The following RNF41 variants were observed in gnomAD, a reference collection of about 807,000 sequenced individuals.
The protein encoded by RNF41 is E3 ubiquitin-protein ligase NRDP1.
A neutral mutation model predicts 33.0 loss-of-function variants in RNF41; 4 were observed. The ratio of observed to expected loss-of-function variants is 0.12; its 90% CI spans 0.06 to 0.28. RNF41 has a LOEUF of 0.28. Ranked by LOEUF, RNF41 falls within the 10% of genes least tolerant of loss-of-function variation. The pLI, the probability that RNF41 is intolerant of heterozygous loss-of-function variation, is 1.00. For synonymous variants in RNF41, 164 were observed against 153.2 expected, an observed-to-expected ratio of 1.07 and a Z score of -0.52; for missense variants, 228 against 432.6, an observed-to-expected ratio of 0.53 and a Z score of 4.19.
intron 6 of RNF41, chr12:56,207,201 C>G (rs1868286095): frequency 7.5e-7 from 1 of 1,329,026 alleles, no homozygotes; most frequent in Non-Finnish European, 9.8e-7. Context: ...GACTCCAGAA[C>G]TGAAAGAGAT....
At position 56,202,972 on chromosome 12, in the gene RNF41, G is replaced by A. The variant is rs1363492790; in HGVS notation, c.*3475C>T. 6.6e-6 allele frequency: 1 copy of A among 151,740 alleles called. No individual in the cohort carries two copies. Among genetic ancestry groups the A allele is most frequent in the Non-Finnish European group, 1.5e-5 (1 of 68,000 alleles). 9.4% of individuals were successfully genotyped at this position (151,740 alleles called of 1,614,324 possible). A position where few individuals can be genotyped will look rare whatever the true frequency, so the allele number is the denominator to read the frequency against. Reference sequence around the variant, plus strand: ...CTAATGTCACTAGGATACATACATTGCCTCTTATGCTCTATACTGTGACAT... The same window carrying A: ...CTAATGTCACTAGGATACATACATTACCTCTTATGCTCTATACTGTGACAT... On this transcript the variant is annotated 3_prime_UTR_variant, in exon 7 of 7. Transcript: ENST00000345093.
At position 56,204,742 on chromosome 12, in the gene RNF41, T is replaced by G. The variant is rs1196329087; in HGVS notation, c.*1705A>C. On this transcript the variant is annotated 3_prime_UTR_variant, in exon 7 of 7. Coordinates refer to ENST00000345093, the MANE Select transcript of RNF41 (RefSeq NM_005785.4). ...AAGTATAGCAGCGTTTTCAAATTCCTGAGCACAATGTCCCAGAGCTGGAAC... is the reference window on the plus strand; with the variant it reads ...AAGTATAGCAGCGTTTTCAAATTCCGGAGCACAATGTCCCAGAGCTGGAAC... 6.5e-6 allele frequency: 1 copy of G among 152,676 alleles called. No homozygotes were observed. The highest frequency in any genetic ancestry group is 1.5e-5 in the Non-Finnish European group (1 of 68,116). 9.5% of individuals were successfully genotyped at this position (152,676 alleles called of 1,614,324 possible). A position where few individuals can be genotyped will look rare whatever the true frequency, so the allele number is the denominator to read the frequency against.
intron 1 of RNF41, among the ~76,000 whole-genome samples, chr12:56,217,563 T>C (rs969408888): frequency 1.3e-5 from 2 of 151,786 alleles, no homozygotes; most frequent in Non-Finnish European, 2.9e-5. Flanking sequence ...AAAAGCAAAA[T>C]GCATAGATCC....
Position 56,206,591 on chromosome 12 carries a change from G to A in RNF41, c.810C>T (p.Arg270=), listed in dbSNP as rs972430728. The A allele has an allele frequency of 3.1e-6, 5 of 1,614,176 alleles. No individual in the cohort carries two copies. The highest frequency in any genetic ancestry group is 4.2e-6 in the Non-Finnish European group (5 of 1,180,040). Residue 270 remains arginine, a synonymous_variant, in exon 7 of 7, where the codon CGC becomes CGT. Transcript: ENST00000345093. The surrounding 1 kb of genome is among the most constrained non-coding windows in gnomAD (Gnocchi z 5.7). ...GCTTGGCCACGTAGTTCTCATAGTA[G>A]CGTCGGTTCATCTGTCTAGTCTCTA... is the stretch of plus-strand genomic sequence containing the variant. ...ATLETRQMNR[R]YYENYVAKRI... is the part of the protein sequence containing the mutation.
At chr12:56,212,905 T>C in intron 3 of RNF41, 1 of 890,126 alleles carries the variant, frequency 1.1e-6, no homozygotes, top group Non-Finnish European at 1.6e-6. Context: ...AAGGATTAAT[T>C]GGTATTTACA....
chr12:56,212,977 C>G (rs1565943635), intron 3 of RNF41: 1 of 1,288,546 alleles, frequency 7.8e-7, no homozygotes, highest in East Asian at 5.5e-5. Flanking sequence ...TAAGGATTCA[C>G]CTCACTCATT....
chr12:56,215,568 A>C (rs1189653308), intron 2 of RNF41, among the ~76,000 whole-genome samples: 1 of 151,766 alleles, frequency 6.6e-6, no homozygotes, highest in East Asian at 1.9e-4. Context: ...AAAATACAAA[A>C]ATTAGCCAGG....
Position 56,206,342 on chromosome 12 carries a change from G to T in RNF41, c.*105C>A. On this transcript the variant is annotated 3_prime_UTR_variant, in exon 7 of 7. Coordinates refer to ENST00000345093, the MANE Select transcript of RNF41 (RefSeq NM_005785.4). This position sits in a 1 kb window ranked among gnomAD's most constrained non-coding sequence, Gnocchi z 5.7. The stretch of plus-strand genomic sequence containing the variant: ...AAGGGCAGGGAGATGTGTGGCTCAG[G>T]TATAAGCCACAGTATTAAGAATGGT... The T allele has an allele frequency of 1.0e-6, 1 of 989,326 alleles. No individual in the cohort carries two copies. The highest frequency in any genetic ancestry group is 1.5e-6 in the Non-Finnish European group (1 of 658,890). 61.3% of individuals were successfully genotyped at this position (989,326 alleles called of 1,614,324 possible).
intron 2 of RNF41, among the ~76,000 whole-genome samples, chr12:56,215,501 A>G (rs1247316943): frequency 1.3e-5 from 2 of 151,114 alleles, no homozygotes; most frequent in African/African-American, 4.9e-5. Context: ...CAGACGGATC[A>G]TGAGGTCAAG....
rs1050175454 is a variant in RNF41, at chr12:56,205,815, T to C, written c.*632A>G. The C allele has an allele frequency of 6.5e-6, 1 of 152,682 alleles. No individual in the cohort carries two copies. The highest frequency in any genetic ancestry group is 1.5e-5 in the Non-Finnish European group (1 of 68,240). 9.5% of individuals were successfully genotyped at this position (152,682 alleles called of 1,614,324 possible). The stretch of plus-strand genomic sequence containing the variant: ...GGCATTCCCTAATTATGAAAACTTG[T>C]AGGAAAGAAGAGCTCATCTGGAAAT... On this transcript the variant is annotated 3_prime_UTR_variant, in exon 7 of 7. Coordinates refer to ENST00000345093, the MANE Select transcript of RNF41 (RefSeq NM_005785.4).
Position 56,209,027 on chromosome 12 carries a change from G to T in RNF41, c.363-729C>A, listed in dbSNP as rs187698034. Among the ~76,000 whole-genome samples the T allele has an allele frequency of 3.3e-5, 5 of 150,794 alleles. No homozygotes were observed. The East Asian group carries it at 9.9e-4, about 30-fold the overall frequency. ...TTACAGGTGCCCACCACCACACCTG[G>T]CTAATTTTTATATTTTTAGTAGAGA... On this transcript the variant is annotated intron_variant, in intron 4 of 6. Transcript: ENST00000345093.
rs2135798590 is a variant in RNF41, at chr12:56,206,274, C to T, written c.*173G>A. On this transcript the variant is annotated 3_prime_UTR_variant, in exon 7 of 7. Coordinates refer to ENST00000345093, the MANE Select transcript of RNF41 (RefSeq NM_005785.4). This position sits in a 1 kb window ranked among gnomAD's most constrained non-coding sequence, Gnocchi z 5.7. ...AAAGGGAGGAAATCTGGGTTTCCCACCTGAAAGGCTGAGCAAACTACCCCA... is the reference window on the plus strand; with the variant it reads ...AAAGGGAGGAAATCTGGGTTTCCCATCTGAAAGGCTGAGCAAACTACCCCA... The T allele has an allele frequency of 1.6e-6, 1 of 631,174 alleles. No individual in the cohort carries two copies. The allele number at this position is 631,174 out of a possible 1,614,324, so 39.1% of individuals were successfully genotyped here.
chr12:56,213,202 TTTG>T lies in RNF41; in HGVS notation c.90+753_90+755del, dbSNP rs1868613742. ...TACAGTTCCCCACTTCCTATTTGTT[TTTG>T]TTTTTTTTTTTTTGAGATGGAGTCT... On this transcript the variant is annotated intron_variant, in intron 3 of 6. Transcript: ENST00000345093. 6.1e-6 allele frequency: 7 copies of T among 1,147,458 alleles called. No individual in the cohort carries two copies. The African/African-American group carries it at 9.8e-5, about 16-fold the overall frequency. 71.1% of individuals were successfully genotyped at this position (1,147,458 alleles called of 1,614,324 possible).
chr12:56,213,818 C>T (rs182122175), intron 3 of RNF41, 140 bp downstream of exon 3: 4 of 684,944 alleles, frequency 5.8e-6, no homozygotes, highest in Admixed American at 2.2e-5. Flanking sequence ...CACCATTACT[C>T]CTTTGACCTA....
Position 56,203,325 on chromosome 12 carries a change from A to G in RNF41, c.*3122T>C, listed in dbSNP as rs555667270. On this transcript the variant is annotated 3_prime_UTR_variant, in exon 7 of 7. Coordinates refer to ENST00000345093, the MANE Select transcript of RNF41 (RefSeq NM_005785.4). The stretch of plus-strand genomic sequence containing the variant: ...TAGCCTTCCAAGGAGCTGGGATCAT[A>G]GTGGCGTCCCACCATGTCTGGCTAT... 1 of 151,226 alleles carries G rather than the reference A, an allele frequency of 6.6e-6. No homozygotes were observed. Among genetic ancestry groups the G allele is most frequent in the Admixed American group, 6.6e-5 (1 of 15,166 alleles). The allele number at this position is 151,226 out of a possible 1,614,324, so 9.4% of individuals were successfully genotyped here.
chr12:56,206,888 G>T lies in RNF41; in HGVS notation c.603-90C>A. 2.0e-6 allele frequency: 2 copies of T among 1,017,932 alleles called. No homozygotes were observed. The highest frequency in any genetic ancestry group is 2.8e-6 in the Non-Finnish European group (2 of 705,194). 63.1% of individuals were successfully genotyped at this position (1,017,932 alleles called of 1,614,324 possible). On this transcript the variant is annotated intron_variant, in intron 6 of 6. Coordinates refer to ENST00000345093, the MANE Select transcript of RNF41 (RefSeq NM_005785.4). This position sits in a 1 kb window ranked among gnomAD's most constrained non-coding sequence, Gnocchi z 5.7. ...GCTAATAGAAATAACTACCCACTCT[G>T]CACTCAGCTTACCTATTCTTCCTTC...
Position 56,210,382 on chromosome 12 carries a change from C to G in RNF41, c.277G>C (p.Val93Leu). Residue 93 changes from valine (V) to leucine (L), a missense_variant, in exon 4 of 7, where the codon GTT becomes CTT. Val to Leu is a conservative substitution (Grantham distance 32, BLOSUM62 1). This residue lies in a region of RNF41 where 199 missense variants were observed against 334.6 expected (regional missense o/e 0.59). Transcript: ENST00000345093. The stretch of plus-strand genomic sequence containing the variant: ...GACATGAGGTTGTCAAGCCGGACAA[C>G]GGCACTACAGCCGAACACAGCGTTG... ...CDNAVFGCSA[V>L]VRLDNLMSHL... 6.2e-7 allele frequency: 1 copy of G among 1,614,172 alleles called. No homozygotes were observed.
rs530332282 is a variant in RNF41, at chr12:56,218,047, G to A, written c.-208-1434C>T. 3.3e-4 allele frequency among the ~76,000 whole-genome samples: 50 copies of A among 152,114 alleles called. 1 individual carries two copies. Among genetic ancestry groups the A allele is most frequent in the Middle Eastern group, 3.4e-3 (1 of 294 alleles). ...TGGCTCACTGAAGCCTTGGCCTCCC[G>A]AGTTCAAGTGATTCTCCTACCTCAG... On this transcript the variant is annotated intron_variant, in intron 1 of 6. Coordinates refer to ENST00000345093, the MANE Select transcript of RNF41 (RefSeq NM_005785.4).
In RNF41 at chr12:56,214,203, T is replaced by G. The variant is rs540446512; in HGVS notation, c.-23-133A>C. 24 of 627,900 alleles carry G rather than the reference T, an allele frequency of 3.8e-5. No homozygotes were observed. In the African/African-American group the frequency reaches 4.0e-4, roughly 10 times the overall value. The allele number at this position is 627,900 out of a possible 1,614,324, so 38.9% of individuals were successfully genotyped here. ...GGGAGTCTACTATGCAGCAGTCATT[T>G]GGCTCGGTGGAAGCTGACTCAAGAA... On this transcript the variant is annotated intron_variant, in intron 2 of 6. Coordinates refer to ENST00000345093, the MANE Select transcript of RNF41 (RefSeq NM_005785.4).
Sources: gnomAD v4.1 joint callset for allele counts (sites outside exome capture counted in the v4.1 genomes callset) on GRCh38, gnomAD v4.1.1 for gene constraint, gnomAD v4.1.1 regional missense constraint, Gnocchi (gnomAD v3.1) non-coding constraint, MANE v1.5 for transcripts, NCBI Gene and HGNC (gene_info 2026-07-23, HGNC 2026-07-21) for gene names.